Variants in PARP3 observed in about 807,000 individuals in gnomAD.
PARP3 encodes the protein protein mono-ADP-ribosyltransferase PARP3.
Under a neutral mutation model 58.2 loss-of-function variants are expected in PARP3, and 46 were observed. The ratio of observed to expected loss-of-function variants is 0.79; its 90% confidence interval spans 0.62 to 1.01. PARP3 has a LOEUF of 1.01. PARP3 is among the 50% of genes least tolerant of loss of function. PARP3 has a pLI of 0.00. For synonymous variants in PARP3, 252 were observed against 266.4 expected (o/e 0.95, Z 0.53); for missense variants, 663 against 683.9 (o/e 0.97, Z 0.34).
chr3:51,945,361 TG>T, intron 6 of PARP3, 133 bp from the exon 7 acceptor site: 1 of 1,347,994 alleles, frequency 7.4e-7, no homozygotes, highest in Non-Finnish European at 1.0e-6. Context: ...TGGGGAAGGC[TG>T]GGCAGACAGA....
Position 51,944,608 on chromosome 3 carries a change from CT to C in PARP3, c.501+31del, listed in dbSNP as rs148591283. On this transcript the variant is annotated intron_variant, in intron 4 of 10. Coordinates refer to ENST00000398755, the MANE Select transcript of PARP3 (RefSeq NM_001003931.4). This position sits in a 1 kb window ranked among gnomAD's most constrained non-coding sequence, Gnocchi z 4.2. ...GATGGCCAAGGAAGGTGGGCAGGCC[CT>C]GGACTGAGGGAGGGGACTCGTTGGA... 7.5e-6 allele frequency: 12 copies of C among 1,609,370 alleles called. No homozygotes were observed. In the African/African-American group the frequency reaches 1.6e-4, roughly 21 times the overall value.
At position 51,946,470 on chromosome 3, in the gene PARP3, G is replaced by T; in HGVS notation, c.1276+127G>T. On this transcript the variant is annotated intron_variant, in intron 9 of 10. Transcript: ENST00000398755. This position sits in a 1 kb window ranked among gnomAD's most constrained non-coding sequence, Gnocchi z 4.6. The stretch of plus-strand genomic sequence containing the variant: ...TCCTTTAATGGTTAATGACTACAGT[G>T]CTCAGTGGGCTGTCCTGGGCTTTGG... The T allele has an allele frequency of 1.3e-6, 1 of 764,882 alleles. No homozygotes were observed. The allele number at this position is 764,882 out of a possible 1,614,324, so 47.4% of individuals were successfully genotyped here. A position where few individuals can be genotyped will look rare whatever the true frequency, so the allele number is the denominator to read the frequency against.
chr3:51,945,888 C>T lies in PARP3; in HGVS notation c.1047C>T (p.Asn349=), dbSNP rs1335798903. The part of the protein sequence containing the change: ...IQTYLEQTGS[N]HRCPTLQHIW... ...CCTACTTAGAACAGACTGGCAGCAA[C>T]CACAGGTGCCCTACACTTCAACACA... is the stretch of plus-strand genomic sequence containing the variant. The change falls in exon 8 of 11, where the codon AAC becomes AAT. Residue 349 remains asparagine (N), a synonymous_variant. Transcript: ENST00000398755. The T allele has an allele frequency of 6.2e-7, 1 of 1,614,070 alleles. No individual in the cohort carries two copies. Among genetic ancestry groups the T allele is most frequent in the African/African-American group, 1.3e-5 (1 of 75,020 alleles).
rs780756887 is a variant in PARP3, at chr3:51,945,509, C to T, written c.876C>T (p.Ile292=). The change falls in exon 7 of 11, where the codon ATC becomes ATT. Residue 292 remains isoleucine, a synonymous_variant. Transcript: ENST00000398755. ...KKDMLLVLAD[I]ELAQALQAVS... ...CATCATCCTAGGTGCTGGCGGACATCGAGCTGGCCCAGGCCCTGCAGGCAG... is the reference window on the plus strand; with the variant it reads ...CATCATCCTAGGTGCTGGCGGACATTGAGCTGGCCCAGGCCCTGCAGGCAG... The T allele has an allele frequency of 8.1e-6, 13 of 1,613,542 alleles. No homozygotes were observed. The highest frequency in any genetic ancestry group is 1.0e-5 in the Non-Finnish European group (12 of 1,179,804).
chr3:51,942,838 G>C (rs1207850786), intron 1 of PARP3, 130 bp downstream of exon 1: 2 of 1,463,782 alleles, frequency 1.4e-6, no homozygotes, highest in East Asian at 2.5e-5. Context: ...CCATTGGGAA[G>C]GGCTTCTACA....
Position 51,947,574 on chromosome 3 carries a change from G to C in PARP3, c.1277-166G>C, listed in dbSNP as rs1420066007. 6 of 686,248 alleles carry C rather than the reference G, an allele frequency of 8.7e-6. No individual in the cohort carries two copies. In the East Asian group the frequency reaches 1.6e-4, roughly 19 times the overall value. The allele number at this position is 686,248 out of a possible 1,614,324, so 42.5% of individuals were successfully genotyped here. On this transcript the variant is annotated intron_variant, in intron 9 of 10. Coordinates refer to ENST00000398755, the MANE Select transcript of PARP3 (RefSeq NM_001003931.4). ...CTGGCCATAGGGAGCACAGTGAGGT[G>C]GGAGGGAGCAGGCCGGGACAAGGAG... is the stretch of plus-strand genomic sequence containing the variant.
In PARP3 at chr3:51,944,388, A is replaced by C; in HGVS notation, c.313-2A>C. On this transcript the variant is annotated splice_acceptor_variant, in intron 3 of 10. Coordinates refer to ENST00000398755, the MANE Select transcript of PARP3 (RefSeq NM_001003931.4). LOFTEE classifies it high-confidence loss of function. This position sits in a 1 kb window ranked among gnomAD's most constrained non-coding sequence, Gnocchi z 4.2. ...CATACCCCTGAAGGCTGTCGGTTGC[A>C]GGGAGAGGTCGGCCAGTCAAAGATC... 6.2e-7 allele frequency: 1 copy of C among 1,613,694 alleles called. No homozygotes were observed. The highest frequency in any genetic ancestry group is 8.5e-7 in the Non-Finnish European group (1 of 1,180,006).
chr3:51,945,442 G>A (rs957273626), intron 6 of PARP3, 53 bp from the exon 7 acceptor site: 7 of 1,585,802 alleles, frequency 4.4e-6, no homozygotes, highest in African/African-American at 1.3e-5. Context: ...AGAGAGGAGA[G>A]GGGAGGCCAG....
intron 2 of PARP3, among the ~76,000 whole-genome samples, chr3:51,943,794 C>T (rs1252025224): frequency 6.6e-6 from 1 of 152,150 alleles, no homozygotes; most frequent in East Asian, 1.9e-4. Context: ...ACATCAGTCT[C>T]CTGGGCGCTT....
rs564593684 is a variant in PARP3 at position 51,947,529 on chromosome 3, A to G, written c.1277-211A>G. 9.7e-4 allele frequency: 569 copies of G among 589,528 alleles called. 5 individuals carry two copies. Among genetic ancestry groups the G allele is most frequent in the Middle Eastern group, 6.4e-3 (14 of 2,200 alleles). The allele number at this position is 589,528 out of a possible 1,614,324, so 36.5% of individuals were successfully genotyped here. On this transcript the variant is annotated intron_variant, in intron 9 of 10. Coordinates refer to ENST00000398755, the MANE Select transcript of PARP3 (RefSeq NM_001003931.4). ...GAGGCCATTGCTGACCTTGGTGAGGACAGCAGAGGGTACAGATGCCTGGCC... is the reference window on the plus strand; with the variant it reads ...GAGGCCATTGCTGACCTTGGTGAGGGCAGCAGAGGGTACAGATGCCTGGCC...
chr3:51,948,188 G>A, intron 10 of PARP3, 123 bp from the exon 11 acceptor site: 2 of 1,038,044 alleles, frequency 1.9e-6, no homozygotes, highest in Non-Finnish European at 2.8e-6. Flanking sequence ...TTTGGAGGTG[G>A]GCAAGGTGGA....
chr3:51,942,451 C>A lies in PARP3; in HGVS notation c.-260C>A, dbSNP rs1283404636. On this transcript the variant is annotated 5_prime_UTR_variant, in exon 1 of 11. Coordinates refer to ENST00000398755, the MANE Select transcript of PARP3 (RefSeq NM_001003931.4). Reference sequence around the variant, plus strand: ...TGCCCCGGCCTTGGATATGCCAGATCGAGTGTCCACCCGTCCGTGGGACTG... The same window carrying A: ...TGCCCCGGCCTTGGATATGCCAGATAGAGTGTCCACCCGTCCGTGGGACTG... The A allele has an allele frequency of 8.1e-6, 5 of 618,798 alleles. No individual in the cohort carries two copies. The highest frequency in any genetic ancestry group is 1.5e-5 in the Non-Finnish European group (5 of 339,954). The allele number at this position is 618,798 out of a possible 1,614,324, so 38.3% of individuals were successfully genotyped here.
intron 1 of PARP3, chr3:51,942,947 G>C (rs2106686357): frequency 7.1e-7 from 1 of 1,412,554 alleles, no homozygotes; most frequent in South Asian, 1.5e-5. Flanking sequence ...ACTCGGCCCG[G>C]CAACCATGCC....
Position 51,944,283 on chromosome 3 carries a change from G to T in PARP3, c.312+66G>T. 3 of 1,609,052 alleles carry T rather than the reference G, an allele frequency of 1.9e-6. No individual in the cohort carries two copies. The highest frequency in any genetic ancestry group is 1.1e-5 in the South Asian group (1 of 90,396). On this transcript the variant is annotated intron_variant, in intron 3 of 10. Coordinates refer to ENST00000398755, the MANE Select transcript of PARP3 (RefSeq NM_001003931.4). The surrounding 1 kb of genome is among the most constrained non-coding windows in gnomAD (Gnocchi z 4.2). ...TCAAAAGGCCACAGCTACTGACTTG[G>T]GGGGGCACCTCCCAACTGTCCCAGG...
Position 51,946,032 on chromosome 3 carries a change from TC to T in PARP3, c.1098+94del. ...GTCCCTTAGCAAATCGTTTAGCAGC[TC>T]TGGTCAGTTTCTGCCGGCCATGAGT... On this transcript the variant is annotated intron_variant, in intron 8 of 10. Coordinates refer to ENST00000398755, the MANE Select transcript of PARP3 (RefSeq NM_001003931.4). The surrounding 1 kb of genome is among the most constrained non-coding windows in gnomAD (Gnocchi z 4.6). 2.2e-6 allele frequency: 3 copies of T among 1,377,530 alleles called. No individual in the cohort carries two copies. Among genetic ancestry groups the T allele is most frequent in the Non-Finnish European group, 3.1e-6 (3 of 974,008 alleles). The allele number at this position is 1,377,530 out of a possible 1,614,324, so 85.3% of individuals were successfully genotyped here. A position where few individuals can be genotyped will look rare whatever the true frequency, so the allele number is the denominator to read the frequency against.
At position 51,943,413 on chromosome 3, in the gene PARP3, C is replaced by T. The variant is rs559905723; in HGVS notation, c.58C>T (p.Arg20Trp). 8.5e-5 allele frequency: 136 copies of T among 1,604,504 alleles called. No individual in the cohort carries two copies. In the Middle Eastern group the frequency reaches 3.5e-3, roughly 41 times the overall value. The change falls in exon 2 of 11, where the codon CGG (arginine) becomes TGG (tryptophan). Residue 20 changes from arginine (R) to tryptophan (W), a missense_variant. Physicochemically the swap from Arg to Trp is moderately radical, Grantham distance 101 (BLOSUM62 -3). This residue lies in a region of PARP3 where 567 missense variants were observed against 553.6 expected (regional missense o/e 1.02). Coordinates refer to ENST00000398755, the MANE Select transcript of PARP3 (RefSeq NM_001003931.4). ...TGAGGGCCCTGAGAAGAAGAAGGGC[C>T]GGCAGGCAGGAAGGGAGGAGGACCC... The part of the protein sequence containing the change: ...QTEGPEKKKG[R>W]QAGREEDPFR...
At chr3:51,943,105 A>G in intron 1 of PARP3, 1 of 1,199,446 alleles carries the variant, frequency 8.3e-7, no homozygotes, top group Non-Finnish European at 1.1e-6. Context: ...GGCAGACTGG[A>G]CAGAGTCCTA....
intron 1 of PARP3, 118 bp from the exon 2 acceptor site, chr3:51,943,236 A>T: frequency 8.6e-7 from 1 of 1,157,344 alleles, no homozygotes; most frequent in Non-Finnish European, 1.2e-6. Context: ...CGAAGGGCCA[A>T]CCCGGGGTGG....
chr3:51,947,671 A>T (rs1226610214), intron 9 of PARP3, 69 bp from the exon 10 acceptor site: 12 of 1,553,086 alleles, frequency 7.7e-6, no homozygotes, highest in Non-Finnish European at 1.1e-5. Context: ...ACATCGCAGC[A>T]GAGAGGGGCC....
Sources: gnomAD v4.1 joint callset for allele counts (sites outside exome capture counted in the v4.1 genomes callset) on GRCh38, gnomAD v4.1.1 for gene constraint, gnomAD v4.1.1 regional missense constraint, Gnocchi (gnomAD v3.1) non-coding constraint, MANE v1.5 for transcripts, NCBI Gene and HGNC (gene_info 2026-07-23, HGNC 2026-07-21) for gene names.